The following ERC2 variants were observed in gnomAD, a reference collection of about 807,000 sequenced individuals.
ERC2 encodes the protein ELKS/RAB6-interacting/CAST family member 2.
Under a neutral mutation model 114.8 loss-of-function variants are expected in ERC2, and 42 were observed. The observed-to-expected ratio is 0.37, with a 90% CI of 0.29 to 0.47. ERC2 has a LOEUF of 0.47. Among genes scored for constraint, ERC2 ranks in the 20% least tolerant of loss-of-function variants. ERC2 has a pLI of 0.99. For missense variants in ERC2, 939 were observed against 1,150.7 expected (o/e 0.82, Z 2.66); for synonymous variants, 454 against 425.5 (o/e 1.07, Z -0.82).
chr3:55,997,880 G>GTTTTTTTTT (rs869077498), intron 10 of ERC2, among the ~76,000 whole-genome samples: 4 of 44,788 alleles, frequency 8.9e-5, no homozygotes, highest in African/African-American at 2.6e-4. Context: ...TCTTAATTCT[G>GTTTTTTTTT]TTTTTTTTTT....
chr3:56,182,231 C>G (rs541337004), intron 3 of ERC2, among the ~76,000 whole-genome samples: 2 of 152,284 alleles, frequency 1.3e-5, no homozygotes, highest in Admixed American at 1.3e-4. Context: ...CAATTTTACA[C>G]TAATTTATAA....
At chr3:56,061,635 C>T (rs1019408996) in intron 7 of ERC2, among the ~76,000 whole-genome samples, 1 of 152,122 alleles carries the variant, frequency 6.6e-6, no homozygotes, top group Admixed American at 6.6e-5. Flanking sequence ...CAGAAACATA[C>T]AACAAATGTT....
At chr3:56,002,876 G>A (rs1209121226) in intron 10 of ERC2, among the ~76,000 whole-genome samples, 1 of 152,098 alleles carries the variant, frequency 6.6e-6, no homozygotes, top group Non-Finnish European at 1.5e-5. Context: ...TAAGAAGGAG[G>A]TAATATCAGA....
At chr3:55,631,385 A>G (rs565988521) in intron 17 of ERC2, among the ~76,000 whole-genome samples, 16 of 152,322 alleles carry the variant, frequency 1.1e-4, no homozygotes, top group Non-Finnish European at 1.8e-4. Context: ...TTCCAAACAT[A>G]ACAGCCAATT....
chr3:55,655,473 A>G (rs895681782), intron 17 of ERC2, among the ~76,000 whole-genome samples: 2 of 152,224 alleles, frequency 1.3e-5, no homozygotes, highest in African/African-American at 2.4e-5. Context: ...ATAAGTTGCT[A>G]TCATAAATAA....
At chr3:56,104,195 A>AG (rs398105890) in intron 6 of ERC2, among the ~76,000 whole-genome samples, 1 of 152,072 alleles carries the variant, frequency 6.6e-6, no homozygotes, top group African/African-American at 2.4e-5. Flanking sequence ...AAAAAAAAAA[A>AG]TCATTATTTG....
intron 15 of ERC2, among the ~76,000 whole-genome samples, chr3:55,700,494 G>T (rs541356165): frequency 6.6e-6 from 1 of 152,190 alleles, no homozygotes; most frequent in Admixed American, 6.5e-5. Context: ...CGGGGTTGCC[G>T]CTAGGAGCGA....
chr3:55,574,040 G>C (rs1025916450), intron 17 of ERC2, among the ~76,000 whole-genome samples: 19 of 152,190 alleles, frequency 1.2e-4, no homozygotes, highest in African/African-American at 4.6e-4. Flanking sequence ...AGGGTCAGTG[G>C]CAGTAATCAT....
intron 3 of ERC2, among the ~76,000 whole-genome samples, chr3:56,187,197 G>A (rs2083679709): frequency 6.6e-6 from 1 of 152,144 alleles, no homozygotes; most frequent in South Asian, 2.1e-4. Flanking sequence ...GGTTCCCCCA[G>A]CACTTCTGGA....
chr3:55,678,124 T>C (rs2061897959), intron 17 of ERC2, among the ~76,000 whole-genome samples: 1 of 152,050 alleles, frequency 6.6e-6, no homozygotes, highest in African/African-American at 2.4e-5. Flanking sequence ...AAGGAGGAAG[T>C]GGGGACAGAG....
intron 3 of ERC2, among the ~76,000 whole-genome samples, chr3:56,279,358 C>G (rs890144150): frequency 2.0e-5 from 3 of 152,160 alleles, no homozygotes; most frequent in Non-Finnish European, 4.4e-5. Context: ...AATATATGCA[C>G]AAGTAGGGAC....
intron 17 of ERC2, among the ~76,000 whole-genome samples, chr3:55,611,898 G>C (rs2058922743): frequency 2.0e-5 from 3 of 152,214 alleles, no homozygotes; most frequent in Admixed American, 2.0e-4. Context: ...GGGTCTAGCA[G>C]AGGTCCACAG....
At chr3:55,978,349 A>G (rs79002574) in intron 12 of ERC2, among the ~76,000 whole-genome samples, 3,092 of 152,290 alleles carry the variant, frequency 0.02, 101 homozygotes, top group African/African-American at 0.071. Context: ...TCATTTTTCT[A>G]TGTTCACTTA....
At chr3:56,328,835 G>C (rs2057480956) in intron 2 of ERC2, among the ~76,000 whole-genome samples, 1 of 152,112 alleles carries the variant, frequency 6.6e-6, no homozygotes, top group Non-Finnish European at 1.5e-5. Context: ...ACCTGACATT[G>C]AATTGAAAAA....
chr3:56,436,023 A>G (rs2062002423), intron 1 of ERC2, among the ~76,000 whole-genome samples: 1 of 152,224 alleles, frequency 6.6e-6, no homozygotes, highest in South Asian at 2.1e-4. Flanking sequence ...ATACTAGTGA[A>G]GATTTTATGT....
At chr3:56,227,912 A>G (rs1347933488) in intron 3 of ERC2, among the ~76,000 whole-genome samples, 2 of 152,250 alleles carry the variant, frequency 1.3e-5, no homozygotes, top group African/African-American at 4.8e-5. Context: ...GTTGTGGTAT[A>G]TTCACATAAT....
intron 14 of ERC2, among the ~76,000 whole-genome samples, chr3:55,812,321 C>T (rs1307165344): frequency 6.6e-6 from 1 of 152,108 alleles, no homozygotes; most frequent in African/African-American, 2.4e-5. Context: ...AAGGGACCCC[C>T]ACAGCATGTT....
At chr3:55,754,221 A>T (rs1459799677) in intron 14 of ERC2, among the ~76,000 whole-genome samples, 2 of 152,012 alleles carry the variant, frequency 1.3e-5, no homozygotes, top group African/African-American at 4.8e-5. Context: ...AGGAGAGAAA[A>T]TATTTTATTT....
In ERC2 at chr3:55,727,073, T is replaced by C. The variant is rs188730882; in HGVS notation, c.2712+7698A>G. On this transcript the variant is annotated intron_variant, in intron 15 of 17. Transcript: ENST00000288221. ...AGAATACGGCTTACGGGGTAAGATT[T>C]AGTTTTAAGCTTTCTTCAAAAACCC... Among the ~76,000 whole-genome samples the C allele has an allele frequency of 9.8e-5, 15 of 152,348 alleles. 1 individual carries two copies. Among genetic ancestry groups the C allele is most frequent in the African/African-American group, 3.4e-4 (14 of 41,584 alleles).
Sources: gnomAD v4.1 joint callset for allele counts (sites outside exome capture counted in the v4.1 genomes callset) on GRCh38, gnomAD v4.1.1 for gene constraint, MANE v1.5 for transcripts, NCBI Gene and HGNC (gene_info 2026-07-23, HGNC 2026-07-21) for gene names.